Variants in HS6ST3 observed in about 807,000 individuals in gnomAD.
HS6ST3 encodes heparan sulfate 6-O-sulfotransferase 3.
HS6ST3 carries 12 observed loss-of-function variants against 36.7 expected under a neutral mutation model. The observed-to-expected ratio is 0.33, with a 90% CI of 0.21 to 0.53. HS6ST3 has a LOEUF of 0.53. Ranked by LOEUF, HS6ST3 falls within the 20% of genes least tolerant of loss-of-function variation. The pLI is 0.95. For missense variants in HS6ST3, 584 were observed against 640.9 expected (o/e 0.91, Z 0.96); for synonymous variants, 240 against 257.5 (o/e 0.93, Z 0.65).
Position 96,295,757 on chromosome 13 carries a change from G to A in HS6ST3, c.707+204188G>A, listed in dbSNP as rs141170489. Among the ~76,000 whole-genome samples the A allele has an allele frequency of 3.3e-5, 5 of 152,202 alleles. No individual in the cohort carries two copies. In the East Asian group the frequency reaches 9.7e-4, roughly 29 times the overall value. On this transcript the variant is annotated intron_variant, in intron 1 of 1. Transcript: ENST00000376705. ...AATGGAAAGCATCAGCATACACTAC[G>A]TTAACAAGGATGTCTGATGTTAGCT...
intron 1 of HS6ST3, among the ~76,000 whole-genome samples, chr13:96,128,902 T>A (rs114314704): frequency 0.019 from 2,918 of 151,658 alleles, 82 homozygotes; most frequent in African/African-American, 0.065. Flanking sequence ...CTGGAGTGCA[T>A]TGGGGCAATC....
intron 1 of HS6ST3, among the ~76,000 whole-genome samples, chr13:96,254,520 C>G (rs1161993702): frequency 9.1e-6 from 1 of 109,684 alleles, no homozygotes; most frequent in African/African-American, 3.6e-5. Context: ...CACACACACA[C>G]TTTTTTCTTT....
At position 96,521,446 on chromosome 13, in the gene HS6ST3, T is replaced by C. The variant is rs576095734; in HGVS notation, c.708-311044T>C. On this transcript the variant is annotated intron_variant, in intron 1 of 1. Coordinates refer to ENST00000376705, the MANE Select transcript of HS6ST3 (RefSeq NM_153456.4). ...AATGGTACCAGCTCCTCTTTGTACG[T>C]CTTGTAGAATTCGGTTGTGAATCCA... 3.3e-5 allele frequency among the ~76,000 whole-genome samples: 5 copies of C among 152,332 alleles called. No individual in the cohort carries two copies. In the South Asian group the frequency reaches 1.0e-3, roughly 32 times the overall value.
intron 1 of HS6ST3, among the ~76,000 whole-genome samples, chr13:96,722,732 T>A (rs764775529): frequency 1.4e-4 from 22 of 152,278 alleles, no homozygotes; most frequent in Non-Finnish European, 3.2e-4. Context: ...ATCCCAGAAC[T>A]TTGGGAGGCT....
chr13:96,370,756 A>G (rs2055285686), intron 1 of HS6ST3, among the ~76,000 whole-genome samples: 1 of 152,132 alleles, frequency 6.6e-6, no homozygotes. Flanking sequence ...TACTAAAAAT[A>G]CAAAAATTAG....
intron 1 of HS6ST3, among the ~76,000 whole-genome samples, chr13:96,656,996 T>TGAGAGAGA (rs1175623855): frequency 6.8e-4 from 84 of 124,158 alleles, no homozygotes; most frequent in African/African-American, 2.1e-3. Context: ...TGTGTGTGTG[T>TGAGAGAGA]GTGAGAGAGA....
chr13:96,151,212 T>C (rs1417346562), intron 1 of HS6ST3, among the ~76,000 whole-genome samples: 1 of 152,156 alleles, frequency 6.6e-6, no homozygotes, highest in Non-Finnish European at 1.5e-5. Context: ...GAGATCAGCC[T>C]GGACAACATG....
chr13:96,783,369 T>C (rs1488107180), intron 1 of HS6ST3, among the ~76,000 whole-genome samples: 1 of 152,288 alleles, frequency 6.6e-6, no homozygotes, highest in East Asian at 1.9e-4. Flanking sequence ...TGGCTGAATT[T>C]TTTTTATTTT....
intron 1 of HS6ST3, among the ~76,000 whole-genome samples, chr13:96,675,863 A>G (rs1388397891): frequency 1.3e-5 from 2 of 152,104 alleles, no homozygotes; most frequent in Admixed American, 1.3e-4. Flanking sequence ...CTTTTGATTA[A>G]CTGTCAACCT....
At chr13:96,703,476 T>C (rs752822322) in intron 1 of HS6ST3, among the ~76,000 whole-genome samples, 1 of 152,188 alleles carries the variant, frequency 6.6e-6, no homozygotes, top group Non-Finnish European at 1.5e-5. Context: ...CTTAGCCTGA[T>C]TGGGCGCTTG....
intron 1 of HS6ST3, among the ~76,000 whole-genome samples, chr13:96,259,526 T>G (rs554989852): frequency 6.6e-6 from 1 of 152,288 alleles, no homozygotes; most frequent in Admixed American, 6.5e-5. Context: ...CCAACCCCAG[T>G]TTGAGTTGAC....
intron 1 of HS6ST3, among the ~76,000 whole-genome samples, chr13:96,355,132 T>G (rs763992977): frequency 6.6e-6 from 1 of 151,980 alleles, no homozygotes; most frequent in African/African-American, 2.4e-5. Context: ...GCAAATTAAA[T>G]AAAAAGTAAA....
intron 1 of HS6ST3, among the ~76,000 whole-genome samples, chr13:96,692,517 A>G (rs1014424576): frequency 5.3e-5 from 8 of 152,212 alleles, no homozygotes; most frequent in African/African-American, 1.9e-4. Context: ...GACACTTGCC[A>G]CTATTATGTT....
At chr13:96,717,811 G>A (rs1009117004) in intron 1 of HS6ST3, among the ~76,000 whole-genome samples, 45 of 152,256 alleles carry the variant, frequency 3.0e-4, no homozygotes, top group Admixed American at 1.0e-3. Context: ...AGGGAATTCC[G>A]CACAAGGATC....
chr13:96,332,652 G>A (rs2055077570), intron 1 of HS6ST3, among the ~76,000 whole-genome samples: 1 of 152,182 alleles, frequency 6.6e-6, no homozygotes, highest in South Asian at 2.1e-4. Context: ...CTCAATCTGT[G>A]AATCTTGAAG....
At chr13:96,345,874 A>G (rs1164038570) in intron 1 of HS6ST3, among the ~76,000 whole-genome samples, 1 of 152,208 alleles carries the variant, frequency 6.6e-6, no homozygotes, top group African/African-American at 2.4e-5. Flanking sequence ...ATCTCATAAT[A>G]TCTTAAGAAA....
At chr13:96,292,648 G>A (rs1365968808) in intron 1 of HS6ST3, among the ~76,000 whole-genome samples, 1 of 152,016 alleles carries the variant, frequency 6.6e-6, no homozygotes, top group Admixed American at 6.6e-5. Context: ...GCTTGCTACT[G>A]TGCCAGGTAC....
At chr13:96,375,944 T>A (rs185360340) in intron 1 of HS6ST3, among the ~76,000 whole-genome samples, 2 of 152,370 alleles carry the variant, frequency 1.3e-5, no homozygotes, top group East Asian at 3.9e-4. Flanking sequence ...TCCCTGGATT[T>A]ATTTACATTT....
At chr13:96,768,943 T>C (rs963596570) in intron 1 of HS6ST3, among the ~76,000 whole-genome samples, 1 of 152,044 alleles carries the variant, frequency 6.6e-6, no homozygotes, top group Non-Finnish European at 1.5e-5. Flanking sequence ...ATGTAGCAGG[T>C]TGACAACAGG....
Sources: allele counts gnomAD v4.1 joint callset (sites outside exome capture counted in the v4.1 genomes callset), GRCh38; gene constraint gnomAD v4.1.1; transcripts MANE v1.5; gene names NCBI Gene and HGNC (gene_info 2026-07-23, HGNC 2026-07-21).